The following LAMP3 variants were observed in gnomAD, a reference collection of about 807,000 sequenced individuals.
LAMP3 encodes the protein lysosome associated membrane protein 3.
In LAMP3, 26 loss-of-function variants were observed where a neutral mutation model predicts 34.8. The observed-to-expected ratio is 0.75, with a 90% CI of 0.55 to 1.04. The LOEUF is 1.04. LAMP3 is among the 50% of genes least tolerant of loss of function. The probability of loss-of-function intolerance (pLI) is 0.00; values close to 1 mark genes in which losing one functional copy is unlikely to be tolerated. For missense variants in LAMP3, 495 were observed against 524.0 expected (o/e 0.94, Z 0.54); for synonymous variants, 180 against 201.9 (o/e 0.89, Z 0.92).
At chr3:183,135,919 C>T in intron 4 of LAMP3, 32 bp from the exon 5 acceptor site, 4 of 1,561,740 alleles carry the variant, frequency 2.6e-6, no homozygotes, top group Non-Finnish European at 3.5e-6. Flanking sequence ...GCATAAGAGT[C>T]CTGAGATGTA....
At chr3:183,136,880 C>A (rs752339974) in intron 4 of LAMP3, among the ~76,000 whole-genome samples, 4 of 151,842 alleles carry the variant, frequency 2.6e-5, no homozygotes. Flanking sequence ...TGGTGGCACA[C>A]ACCTGTGGTC....
chr3:183,141,964 C>T (rs1205391480), intron 3 of LAMP3, among the ~76,000 whole-genome samples: 1 of 152,176 alleles, frequency 6.6e-6, no homozygotes, highest in African/African-American at 2.4e-5. Context: ...TTCATACCCA[C>T]TCCATGCCAG....
At chr3:183,138,743 C>T (rs779445321) in intron 4 of LAMP3, among the ~76,000 whole-genome samples, 3 of 152,172 alleles carry the variant, frequency 2.0e-5, no homozygotes, top group Non-Finnish European at 4.4e-5. Context: ...TCCTTTCACA[C>T]TTTAGAATAA....
At chr3:183,153,020 C>T (rs893508929) in intron 2 of LAMP3, among the ~76,000 whole-genome samples, 1 of 151,788 alleles carries the variant, frequency 6.6e-6, no homozygotes, top group African/African-American at 2.4e-5. Flanking sequence ...ACTAAAAATA[C>T]AAAAATTAGC....
At chr3:183,160,337 A>G (rs999592431) in intron 1 of LAMP3, among the ~76,000 whole-genome samples, 5 of 152,216 alleles carry the variant, frequency 3.3e-5, no homozygotes, top group Admixed American at 1.3e-4. Flanking sequence ...TCTTGAGCCT[A>G]TGCATGCAGG....
intron 4 of LAMP3, among the ~76,000 whole-genome samples, chr3:183,136,603 AT>A (rs1720097637): frequency 7.3e-6 from 1 of 137,844 alleles, no homozygotes; most frequent in Non-Finnish European, 1.5e-5. Context: ...TTGAGCCGAG[AT>A]TGTGCCATTG....
At chr3:183,124,819 C>T (rs1052384492) in intron 5 of LAMP3, among the ~76,000 whole-genome samples, 2 of 152,030 alleles carry the variant, frequency 1.3e-5, no homozygotes, top group African/African-American at 2.4e-5. Flanking sequence ...GCAACAAGAG[C>T]GAAACTCCAT....
At chr3:183,150,403 C>T (rs1033655157) in intron 3 of LAMP3, among the ~76,000 whole-genome samples, 1 of 152,072 alleles carries the variant, frequency 6.6e-6, no homozygotes, top group Non-Finnish European at 1.5e-5. Context: ...GGCCTGATGG[C>T]AGCTGCCCTT....
At chr3:183,126,612 C>A (rs1719787279) in intron 5 of LAMP3, among the ~76,000 whole-genome samples, 1 of 151,790 alleles carries the variant, frequency 6.6e-6, no homozygotes, top group Non-Finnish European at 1.5e-5. Flanking sequence ...AAAGCAAAAT[C>A]ACTCTATTTT....
At chr3:183,154,499 T>C (rs1720770273) in intron 1 of LAMP3, 108 bp from the exon 2 acceptor site, 2 of 823,694 alleles carry the variant, frequency 2.4e-6, no homozygotes, top group Admixed American at 2.8e-5. Context: ...AACATGCATA[T>C]TTTTATACTT....
chr3:183,147,467 A>AT (rs1720482639), intron 3 of LAMP3, among the ~76,000 whole-genome samples: 1 of 152,046 alleles, frequency 6.6e-6, no homozygotes, highest in South Asian at 2.1e-4. Flanking sequence ...CAGTTGCTTC[A>AT]TTACTTTGTG....
intron 3 of LAMP3, among the ~76,000 whole-genome samples, chr3:183,148,546 A>T (rs1720515609): frequency 6.6e-6 from 1 of 152,254 alleles, no homozygotes; most frequent in Non-Finnish European, 1.5e-5. Flanking sequence ...ATCTGAACAG[A>T]CATTTCTCAA....
At chr3:183,159,056 G>A (rs1720902865) in intron 1 of LAMP3, among the ~76,000 whole-genome samples, 1 of 151,964 alleles carries the variant, frequency 6.6e-6, no homozygotes, top group African/African-American at 2.4e-5. Context: ...GTGCCACCAT[G>A]TCAAGCTAAT....
chr3:183,149,469 T>C (rs1720546578), intron 3 of LAMP3, among the ~76,000 whole-genome samples: 1 of 144,916 alleles, frequency 6.9e-6, no homozygotes, highest in South Asian at 2.2e-4. Context: ...CACTTGAACC[T>C]GAGAGGCGGA....
intron 4 of LAMP3, among the ~76,000 whole-genome samples, chr3:183,138,639 T>C (rs894797062): frequency 6.6e-6 from 1 of 152,142 alleles, no homozygotes; most frequent in African/African-American, 2.4e-5. Context: ...TTCTCTGAAT[T>C]TCCCCCACTA....
Position 183,153,900 on chromosome 3 carries a change from T to C in LAMP3, c.541A>G (p.Thr181Ala), listed in dbSNP as rs1422981430. 1 of 1,614,070 alleles carries C rather than the reference T, an allele frequency of 6.2e-7. No homozygotes were observed. Residue 181 changes from threonine to alanine, a missense_variant, in exon 2 of 6, where the codon ACC becomes GCC. By Grantham distance (58) the Thr-to-Ala change is moderately conservative (BLOSUM62 0). Coordinates refer to ENST00000265598, the MANE Select transcript of LAMP3 (RefSeq NM_014398.4). ...GTGGGTTGAACAGGCTTCTGACCGG[T>C]TGTGCTTTTGTGCAGTGCTATCGAT... ...TLSIALHKST[T>A]GQKPVQPTHA... is the part of the protein sequence containing the mutation.
intron 5 of LAMP3, 40 bp downstream of exon 5, chr3:183,135,677 C>T: frequency 6.3e-7 from 1 of 1,595,294 alleles, no homozygotes. Context: ...CCTGGGGTCT[C>T]TAAAGTGTAT....
chr3:183,124,234 C>T lies in LAMP3; in HGVS notation c.1118-20G>A, dbSNP rs551517571. ...CATCCACTAAGAGAGAAAACAAATA[C>T]AATACAGTGGGTAAGGTTTGGTGAT... On this transcript the variant is annotated intron_variant, in intron 5 of 5. Transcript: ENST00000265598. The T allele has an allele frequency of 8.6e-5, 132 of 1,538,996 alleles. 2 individuals are homozygous for T. In the South Asian group the frequency reaches 1.6e-3, roughly 18 times the overall value.
intron 4 of LAMP3, among the ~76,000 whole-genome samples, chr3:183,139,470 C>T (rs555277295): frequency 6.6e-6 from 1 of 152,146 alleles, no homozygotes; most frequent in East Asian, 1.9e-4. Flanking sequence ...AACCCAAGAC[C>T]CCCAGTGTAC....
Sources: gnomAD v4.1 joint callset for allele counts (sites outside exome capture counted in the v4.1 genomes callset) on GRCh38, gnomAD v4.1.1 for gene constraint, MANE v1.5 for transcripts, NCBI Gene and HGNC (gene_info 2026-07-23, HGNC 2026-07-21) for gene names.